The following RAB31 variants were observed in gnomAD, a reference collection of about 807,000 sequenced individuals.
RAB31 encodes the protein ras-related protein Rab-31.
A neutral mutation model predicts 25.6 loss-of-function variants in RAB31; 21 were observed. The ratio of observed to expected loss-of-function variants is 0.82; its 90% CI spans 0.58 to 1.18. The LOEUF (loss-of-function observed/expected upper bound fraction) is 1.18, where lower values mean the gene tolerates loss of function less well. RAB31 is among the 50% of genes most tolerant of loss of function. RAB31 has a pLI of 0.00. For synonymous variants in RAB31, 87 were observed against 84.0 expected, an observed-to-expected ratio of 1.04 and a Z score of -0.20; for missense variants, 196 against 250.1, an observed-to-expected ratio of 0.78 and a Z score of 1.46.
intron 5 of RAB31, among the ~76,000 whole-genome samples, chr18:9,838,437 G>C (rs1396122309): frequency 6.6e-6 from 1 of 152,152 alleles, no homozygotes; most frequent in Non-Finnish European, 1.5e-5. Context: ...CCTCCGTAGG[G>C]AAAAGCATTC....
chr18:9,799,252 G>T (rs1022594183), intron 3 of RAB31, among the ~76,000 whole-genome samples: 2 of 152,184 alleles, frequency 1.3e-5, no homozygotes, highest in Non-Finnish European at 2.9e-5. Context: ...AAGGAAGAAA[G>T]CTCCGCTCAG....
At chr18:9,859,161 G>GA in intron 6 of RAB31, 67 bp from the exon 7 acceptor site, 25 of 1,365,586 alleles carry the variant, frequency 1.8e-5, no homozygotes, top group Non-Finnish European at 2.6e-5. Flanking sequence ...GAAGCAGGGT[G>GA]AAAATCTGTG....
intron 1 of RAB31, among the ~76,000 whole-genome samples, chr18:9,712,871 C>T (rs1382367982): frequency 4.6e-5 from 7 of 152,262 alleles, no homozygotes; most frequent in South Asian, 4.1e-4. Context: ...TTAAAAGAGC[C>T]GATGGCTTCC....
chr18:9,795,264 C>T (rs1240286115), intron 3 of RAB31, among the ~76,000 whole-genome samples: 3 of 152,182 alleles, frequency 2.0e-5, no homozygotes, highest in Non-Finnish European at 4.4e-5. Flanking sequence ...AGACTTAAAT[C>T]TAAGACCTGA....
At chr18:9,759,436 G>A (rs766534546) in intron 1 of RAB31, among the ~76,000 whole-genome samples, 1 of 151,624 alleles carries the variant, frequency 6.6e-6, no homozygotes, top group Non-Finnish European at 1.5e-5. Flanking sequence ...CTCCCGAAGT[G>A]TTGGGATTAT....
chr18:9,769,784 A>G (rs2068334728), intron 1 of RAB31, among the ~76,000 whole-genome samples: 1 of 152,196 alleles, frequency 6.6e-6, no homozygotes, highest in Non-Finnish European at 1.5e-5. Context: ...GAATGCTTCC[A>G]GCTTTTGCCC....
At chr18:9,731,615 T>TTTTTTTTG (rs2068123197) in intron 1 of RAB31, among the ~76,000 whole-genome samples, 2 of 149,126 alleles carry the variant, frequency 1.3e-5, no homozygotes, top group African/African-American at 2.5e-5. Flanking sequence ...TTTTTTTTTT[T>TTTTTTTTG]GAGGCAGAGT....
chr18:9,742,275 C>T (rs1404486506), intron 1 of RAB31, among the ~76,000 whole-genome samples: 1 of 152,172 alleles, frequency 6.6e-6, no homozygotes, highest in Non-Finnish European at 1.5e-5. Flanking sequence ...ACTTCAAAGA[C>T]TCCTAGGGGC....
At chr18:9,732,284 C>T (rs911757491) in intron 1 of RAB31, among the ~76,000 whole-genome samples, 5 of 147,598 alleles carry the variant, frequency 3.4e-5, no homozygotes, top group African/African-American at 1.1e-4. Context: ...GAGGCTGGGC[C>T]CCTGGGGCAG....
chr18:9,767,699 A>T (rs1175358214), intron 1 of RAB31, among the ~76,000 whole-genome samples: 9 of 152,266 alleles, frequency 5.9e-5, no homozygotes, highest in African/African-American at 2.2e-4. Context: ...GGGAGGTATC[A>T]TTCTTTTTTA....
rs556843799 is a variant in RAB31, at chr18:9,857,090, G to A, written c.491-2138G>A. On this transcript the variant is annotated intron_variant, in intron 6 of 6. Coordinates refer to ENST00000578921, the MANE Select transcript of RAB31 (RefSeq NM_006868.4). Reference sequence around the variant, plus strand: ...AAGTTTTTGGAGATGTCCTGCAAAAGCTCTGTAGATCTCTGTTGGCTACAC... The same window carrying A: ...AAGTTTTTGGAGATGTCCTGCAAAAACTCTGTAGATCTCTGTTGGCTACAC... Among the ~76,000 whole-genome samples, 32 of 152,296 alleles carry A rather than the reference G, an allele frequency of 2.1e-4. No individual in the cohort carries two copies. In the South Asian group the frequency reaches 4.1e-3, roughly 20 times the overall value.
At chr18:9,792,297 G>A (rs2068464736) in intron 3 of RAB31, 62 bp downstream of exon 3, 1 of 1,547,514 alleles carries the variant, frequency 6.5e-7, no homozygotes, top group Non-Finnish European at 8.8e-7. Flanking sequence ...AGTTTCTGAA[G>A]GTTTGTTTGC....
chr18:9,778,451 A>G (rs961598781), intron 2 of RAB31, among the ~76,000 whole-genome samples: 1 of 151,998 alleles, frequency 6.6e-6, no homozygotes, highest in African/African-American at 2.4e-5. Flanking sequence ...TGGTTGAAAA[A>G]CCACCTATAA....
intron 1 of RAB31, among the ~76,000 whole-genome samples, chr18:9,728,389 G>A (rs1324447088): frequency 6.6e-6 from 1 of 152,184 alleles, no homozygotes; most frequent in Non-Finnish European, 1.5e-5. Context: ...TCTAGAAATA[G>A]AACGTTGGGT....
chr18:9,711,583 C>G (rs1290074194), intron 1 of RAB31, among the ~76,000 whole-genome samples: 2 of 152,116 alleles, frequency 1.3e-5, no homozygotes, highest in Admixed American at 1.3e-4. Flanking sequence ...CCTATGTTGC[C>G]CAGGCTCTTT....
intron 1 of RAB31, among the ~76,000 whole-genome samples, chr18:9,745,662 T>C (rs774406417): frequency 5.9e-5 from 9 of 152,154 alleles, no homozygotes; most frequent in Non-Finnish European, 1.0e-4. Flanking sequence ...TACACCATAT[T>C]AATAGAAAGA....
chr18:9,743,409 A>T (rs114218164), intron 1 of RAB31, among the ~76,000 whole-genome samples: 1 of 152,192 alleles, frequency 6.6e-6, no homozygotes, highest in Non-Finnish European at 1.5e-5. Context: ...TAATACCTCA[A>T]TGTTTATATA....
intron 6 of RAB31, among the ~76,000 whole-genome samples, chr18:9,849,224 T>C (rs1000206598): frequency 1.3e-5 from 2 of 152,142 alleles, no homozygotes; most frequent in Non-Finnish European, 2.9e-5. Context: ...CTTAAACATA[T>C]TTTATCTTTA....
chr18:9,836,805 A>G (rs1203487179), intron 5 of RAB31, among the ~76,000 whole-genome samples: 2 of 149,966 alleles, frequency 1.3e-5, no homozygotes, highest in Non-Finnish European at 3.0e-5. Context: ...AACGGGGTGA[A>G]ACATGGGGAG....
Sources: gnomAD v4.1 joint callset for allele counts (sites outside exome capture counted in the v4.1 genomes callset) on GRCh38, gnomAD v4.1.1 for gene constraint, MANE v1.5 for transcripts, NCBI Gene and HGNC (gene_info 2026-07-23, HGNC 2026-07-21) for gene names.